GUCY2D: variants seen among roughly 807,000 people sequenced by gnomAD.
GUCY2D encodes the protein retinal guanylyl cyclase 1.
A neutral mutation model predicts 101.3 loss-of-function variants in GUCY2D; 70 were observed. The observed-to-expected ratio is 0.69, with a 90% confidence interval of 0.57 to 0.84. The LOEUF is 0.84. Among genes scored for constraint, GUCY2D ranks in the 40% least tolerant of loss-of-function variants. The probability of loss-of-function intolerance (pLI) is 0.00; values close to 1 mark genes in which losing one functional copy is unlikely to be tolerated. For synonymous variants in GUCY2D, 688 were observed against 670.7 expected, an observed-to-expected ratio of 1.03 and a Z score of -0.40; for missense variants, 1,460 against 1,542.5, an observed-to-expected ratio of 0.95 and a Z score of 0.90.
In GUCY2D at chr17:8,012,571, C is replaced by A. The variant is rs35146471; in HGVS notation, c.2078C>A (p.Ala693Glu). The change falls in exon 10 of 20, where the codon GCA becomes GAA. Residue 693 changes from alanine (A) to glutamate (E), a missense_variant. Ala to Glu is a moderately radical substitution (Grantham distance 107). Around this residue, in one of 3 missense-constraint regions of GUCY2D, gnomAD observed 1,196 missense variants for 1,229.6 expected, o/e 0.97. Transcript: ENST00000254854. Reference protein sequence around the residue: ...TDHGHGRLLEAQKVLPEPPRA... With the variant: ...TDHGHGRLLEEQKVLPEPPRA... ...CACGGCCACGGGAGACTGCTGGAAG[C>A]ACAGAAGGTGCTACCGGAGCCTCCC... The A allele has an allele frequency of 5.7e-5, 92 of 1,613,780 alleles. No individual in the cohort carries two copies. Among genetic ancestry groups the A allele is most frequent in the Non-Finnish European group, 7.6e-5 (90 of 1,179,934 alleles).
chr17:8,003,101 T>G lies in GUCY2D; in HGVS notation c.54T>G (p.Gly18=), dbSNP rs9905393. 4 of 1,523,106 alleles carry G rather than the reference T, an allele frequency of 2.6e-6. No individual in the cohort carries two copies. The highest frequency in any genetic ancestry group is 4.0e-5 in the Admixed American group (2 of 49,922). 94.3% of individuals were successfully genotyped at this position (1,523,106 alleles called of 1,614,324 possible). A position where few individuals can be genotyped will look rare whatever the true frequency, so the allele number is the denominator to read the frequency against. ...AGGLPDPGLC[G]PAWWAPSLPR... is the part of the protein sequence containing the mutation. ...GGCTTCCGGACCCCGGGCTCTGCGGTCCCGCGTGGTGGGCTCCGTCCCTGC... is the reference window on the plus strand; with the variant it reads ...GGCTTCCGGACCCCGGGCTCTGCGGGCCCGCGTGGTGGGCTCCGTCCCTGC... Residue 18 remains glycine (G), a synonymous_variant, in exon 2 of 20, where the codon GGT becomes GGG. Transcript: ENST00000254854.
In GUCY2D at chr17:8,007,105, G is replaced by A. The variant is rs1306782149; in HGVS notation, c.1424G>A (p.Gly475Glu). The A allele has an allele frequency of 1.2e-6, 2 of 1,614,150 alleles. No individual in the cohort carries two copies. The highest frequency in any genetic ancestry group is 1.7e-6 in the Non-Finnish European group (2 of 1,179,960). Reference protein sequence around the residue: ...LVFLGFLLVVGMGLAGAFLAH... With the variant: ...LVFLGFLLVVEMGLAGAFLAH... Reference sequence around the variant, plus strand: ...TTTCTTGGCTTCCTCCTGGTGGTTGGGATGGGGCTGGCTGGGGCCTTCCTG... The same window carrying A: ...TTTCTTGGCTTCCTCCTGGTGGTTGAGATGGGGCTGGCTGGGGCCTTCCTG... The change falls in exon 5 of 20, where the codon GGG (glycine) becomes GAG (glutamate). Residue 475 changes from glycine to glutamate, a missense_variant. Coordinates refer to ENST00000254854, the MANE Select transcript of GUCY2D (RefSeq NM_000180.4).
At position 8,015,028 on chromosome 17, in the gene GUCY2D, A is replaced by G; in HGVS notation, c.2746A>G (p.Ile916Val). The G allele has an allele frequency of 6.2e-7, 1 of 1,613,874 alleles. No individual in the cohort carries two copies. The highest frequency in any genetic ancestry group is 8.5e-7 in the Non-Finnish European group (1 of 1,179,908). ...TCTCTACACACTCTTTGATGCCATC[A>G]TTGGTTCCCACGATGTCTACAAGGT... ...NDLYTLFDAI[I>V]GSHDVYKVET... The change falls in exon 14 of 20, where the codon ATT becomes GTT. Residue 916 changes from isoleucine to valine, a missense_variant. Ile to Val is a conservative substitution (Grantham distance 29). Coordinates refer to ENST00000254854, the MANE Select transcript of GUCY2D (RefSeq NM_000180.4).
intron 2 of GUCY2D, 24 bp from the exon 3 acceptor site, chr17:8,003,826 GCC>G: frequency 6.2e-7 from 1 of 1,605,750 alleles, no homozygotes; most frequent in Non-Finnish European, 8.5e-7. Context: ...GCCGGACGGC[GCC>G]GCGAGCCAAG....
chr17:8,006,855 C>G (rs1598146448), intron 4 of GUCY2D, 141 bp downstream of exon 4: 1 of 882,044 alleles, frequency 1.1e-6, no homozygotes, highest in Non-Finnish European at 1.8e-6. Context: ...TGCACAGGAC[C>G]CCTCTCTTGC....
Position 8,009,565 on chromosome 17 carries a change from A to G in GUCY2D, c.1728A>G (p.Ala576=), listed in dbSNP as rs1975810760. 6.2e-7 allele frequency: 1 copy of G among 1,613,234 alleles called. No individual in the cohort carries two copies. Among genetic ancestry groups the G allele is most frequent in the Admixed American group, 1.7e-5 (1 of 60,000 alleles). ...PGDQHIAIRP[A]TKTAFSKLQE... Reference sequence around the variant, plus strand: ...ATCAGCACATAGCTATCCGCCCAGCAACCAAGACGGCCTTCTCCAAGGTGA... The same window carrying G: ...ATCAGCACATAGCTATCCGCCCAGCGACCAAGACGGCCTTCTCCAAGGTGA... The change falls in exon 8 of 20, where the codon GCA becomes GCG. Residue 576 remains alanine (A), a synonymous_variant. Transcript: ENST00000254854.
chr17:8,012,883 G>T (rs909168003), intron 10 of GUCY2D, among the ~76,000 whole-genome samples: 1 of 152,192 alleles, frequency 6.6e-6, no homozygotes, highest in Non-Finnish European at 1.5e-5. Flanking sequence ...CCCAAGAGAC[G>T]GAGCCTTCCC....
rs1975645843 is a variant in GUCY2D, at chr17:8,002,669, T to C, written c.-75T>C. 5 of 210,498 alleles carry C rather than the reference T, an allele frequency of 2.4e-5. No homozygotes were observed. In the South Asian group the frequency reaches 5.4e-4, roughly 23 times the overall value. 13.0% of individuals were successfully genotyped at this position (210,498 alleles called of 1,614,324 possible). A position where few individuals can be genotyped will look rare whatever the true frequency, so the allele number is the denominator to read the frequency against. ...GGCAAGGAAGACCTGTGGGCGGGCG[T>C]CAAAAGGGGGACCGGCCCTGTGACC... On this transcript the variant is annotated 5_prime_UTR_variant, in exon 1 of 20. Coordinates refer to ENST00000254854, the MANE Select transcript of GUCY2D (RefSeq NM_000180.4). This position sits in a 1 kb window ranked among gnomAD's most constrained non-coding sequence, Gnocchi z 4.9.
At position 8,013,848 on chromosome 17, in the gene GUCY2D, C is replaced by T. The variant is rs368945604; in HGVS notation, c.2264-32C>T. 4 of 1,602,040 alleles carry T rather than the reference C, an allele frequency of 2.5e-6. No individual in the cohort carries two copies. Among genetic ancestry groups the T allele is most frequent in the Non-Finnish European group, 3.4e-6 (4 of 1,169,694 alleles). On this transcript the variant is annotated intron_variant, in intron 11 of 19. Transcript: ENST00000254854. The surrounding 1 kb of genome is among the most constrained non-coding windows in gnomAD (Gnocchi z 5.0). The stretch of plus-strand genomic sequence containing the variant: ...AGAGGCAGCCTTTGTGTTCTGGGGG[C>T]ACTCCCCCTCACTGTCCCCTCATGC...
intron 8 of GUCY2D, among the ~76,000 whole-genome samples, chr17:8,010,320 G>T (rs917151659): frequency 1.3e-5 from 2 of 152,126 alleles, no homozygotes; most frequent in African/African-American, 4.8e-5. Flanking sequence ...TGCAAAGTTG[G>T]CAAGGAGGCT....
chr17:8,019,870 G>A (rs147656459), intron 19 of GUCY2D, among the ~76,000 whole-genome samples: 5 of 152,238 alleles, frequency 3.3e-5, no homozygotes, highest in Non-Finnish European at 7.4e-5. Context: ...TGAGAGCACC[G>A]GGGCCTGGCT....
chr17:8,010,420 T>G (rs1975827009), intron 8 of GUCY2D, among the ~76,000 whole-genome samples: 2 of 152,154 alleles, frequency 1.3e-5, no homozygotes, highest in African/African-American at 4.8e-5. Context: ...CCCTGATTCC[T>G]CTACAGGAGC....
rs749432012 is a variant in GUCY2D, at chr17:8,003,324, G to C, written c.277G>C (p.Gly93Arg). 2.0e-6 allele frequency: 3 copies of C among 1,483,004 alleles called. No homozygotes were observed. Among genetic ancestry groups the C allele is most frequent in the South Asian group, 1.3e-5 (1 of 78,368 alleles). 91.9% of individuals were successfully genotyped at this position (1,483,004 alleles called of 1,614,324 possible). The change falls in exon 2 of 20, where the codon GGT becomes CGT. Residue 93 changes from glycine (G) to arginine (R), a missense_variant. Physicochemically the swap from Gly to Arg is moderately radical, Grantham distance 125 (BLOSUM62 -2). Transcript: ENST00000254854. ...RLNRDPGLAG[G>R]PRFEVALLPE... ...GAACCGCGACCCCGGCCTGGCAGGC[G>C]GTCCCCGCTTCGAGGTAGCGCTGCT... is the stretch of plus-strand genomic sequence containing the variant.
chr17:8,007,828 C>G, intron 6 of GUCY2D, 103 bp from the exon 7 acceptor site: 1 of 749,502 alleles, frequency 1.3e-6, no homozygotes, highest in Non-Finnish European at 2.4e-6. Context: ...ATTGAGATTC[C>G]TTCGCCTCCC....
rs1004245922 is a variant in GUCY2D at position 8,011,522 on chromosome 17, T to C, written c.1750-622T>C. On this transcript the variant is annotated intron_variant, in intron 8 of 19. Transcript: ENST00000254854. This position sits in a 1 kb window ranked among gnomAD's most constrained non-coding sequence, Gnocchi z 4.3. The stretch of plus-strand genomic sequence containing the variant: ...GCTGCTTCCCTTAAGACCCAGGCAG[T>C]TCAGAGTTTTATGGCTGGGGCCAGG... 1.2e-4 allele frequency among the ~76,000 whole-genome samples: 18 copies of C among 152,156 alleles called. No individual in the cohort carries two copies. Among genetic ancestry groups the C allele is most frequent in the African/African-American group, 3.6e-4 (15 of 41,512 alleles).
chr17:8,006,810 C>A (rs1975753727), intron 4 of GUCY2D, 96 bp downstream of exon 4: 3 of 1,134,088 alleles, frequency 2.6e-6, no homozygotes, highest in South Asian at 2.6e-5. Context: ...AATCCGTCTT[C>A]GATGCCCTTC....
chr17:8,004,324 C>G (rs545438074), intron 3 of GUCY2D, among the ~76,000 whole-genome samples, 168 bp downstream of exon 3: 29 of 152,264 alleles, frequency 1.9e-4, no homozygotes, highest in Admixed American at 9.8e-4. Context: ...TCTTAGTGTA[C>G]GAGGATTGCC....
rs377557911 is a variant in GUCY2D, at chr17:8,012,528, G to A, written c.2035G>A (p.Val679Ile). The change falls in exon 10 of 20, where the codon GTA becomes ATA. Residue 679 changes from valine (V) to isoleucine (I), a missense_variant. Coordinates refer to ENST00000254854, the MANE Select transcript of GUCY2D (RefSeq NM_000180.4). The stretch of plus-strand genomic sequence containing the variant: ...GAACTGCATAGTGGATGGCAGATTC[G>A]TACTCAAGATCACTGACCACGGCCA... The part of the protein sequence containing the change: ...SRNCIVDGRF[V>I]LKITDHGHGR... 45 of 1,613,784 alleles carry A rather than the reference G, an allele frequency of 2.8e-5. No homozygotes were observed. Among genetic ancestry groups the A allele is most frequent in the Middle Eastern group, 1.6e-4 (1 of 6,082 alleles).
chr17:8,016,700 G>A (rs1054865217), intron 19 of GUCY2D, 146 bp downstream of exon 19: 8 of 592,202 alleles, frequency 1.4e-5, no homozygotes, highest in Middle Eastern at 3.0e-4. Context: ...TGGGAGGGAA[G>A]CAGCCATTGC....
Sources: gnomAD v4.1 joint callset for allele counts (sites outside exome capture counted in the v4.1 genomes callset) on GRCh38, gnomAD v4.1.1 for gene constraint, gnomAD v4.1.1 regional missense constraint, Gnocchi (gnomAD v3.1) non-coding constraint, MANE v1.5 for transcripts, NCBI Gene and HGNC (gene_info 2026-07-23, HGNC 2026-07-21) for gene names.